Variants in NDRG1 observed in about 807,000 individuals in gnomAD.
NDRG1 encodes protein NDRG1.
In NDRG1, 32 loss-of-function variants were observed where a neutral mutation model predicts 56.9. The ratio of observed to expected loss-of-function variants is 0.56; its 90% CI spans 0.42 to 0.76. NDRG1 has a LOEUF of 0.76. Among genes scored for constraint, NDRG1 ranks in the 30% least tolerant of loss-of-function variants. The probability of loss-of-function intolerance (pLI) is 0.00; values close to 1 mark genes in which losing one functional copy is unlikely to be tolerated. For synonymous variants in NDRG1, 211 were observed against 204.1 expected (o/e 1.03, Z -0.29); for missense variants, 507 against 545.7 (o/e 0.93, Z 0.71).
At chr8:133,260,577 C>G (rs1856612358) in intron 5 of NDRG1, among the ~76,000 whole-genome samples, 1 of 152,174 alleles carries the variant, frequency 6.6e-6, no homozygotes, top group Admixed American at 6.5e-5. Context: ...CTGCTTTCCC[C>G]CAAGTCTTTC....
rs112862121 is a variant in NDRG1, at chr8:133,258,363, C to T, written c.450+3G>A. The T allele has an allele frequency of 6.2e-7, 1 of 1,610,792 alleles. No homozygotes were observed. Among genetic ancestry groups the T allele is most frequent in the Non-Finnish European group, 8.5e-7 (1 of 1,178,482 alleles). ...GATTTTCAAAAAATGCCAAAGCACT[C>T]ACAGCAAATCGAGTTAGGATGTAGG... On this transcript the variant is annotated splice_donor_region_variant and intron_variant, in intron 7 of 15. Transcript: ENST00000323851.
chr8:133,276,268 G>C (rs1368264161), intron 3 of NDRG1, among the ~76,000 whole-genome samples: 2 of 152,194 alleles, frequency 1.3e-5, no homozygotes, highest in African/African-American at 4.8e-5. Context: ...AGTTGCCTGT[G>C]TCCTGAGATG....
intron 1 of NDRG1, among the ~76,000 whole-genome samples, chr8:133,287,660 C>T (rs956883076): frequency 2.6e-5 from 4 of 152,206 alleles, no homozygotes; most frequent in Non-Finnish European, 5.9e-5. Flanking sequence ...ATCCTCAGCT[C>T]AGCACTGCTG....
At chr8:133,244,435 G>C in intron 13 of NDRG1, 45 bp from the exon 14 acceptor site, 1 of 1,612,344 alleles carries the variant, frequency 6.2e-7, no homozygotes. Context: ...CACAGCCAAG[G>C]CCCTCTGCGC....
At position 133,237,274 on chromosome 8, in the gene NDRG1, A is replaced by T. The variant is rs2130649195; in HGVS notation, c.*1604T>A. On this transcript the variant is annotated 3_prime_UTR_variant, in exon 16 of 16. Transcript: ENST00000323851. ...GCACAATAGTTTCCCATCCGTACTC[A>T]GCCTCTCTTGCCCCGATCCCCGACT... The T allele has an allele frequency of 8.7e-6, 2 of 230,946 alleles. No individual in the cohort carries two copies. The highest frequency in any genetic ancestry group is 3.6e-4 in the South Asian group (2 of 5,512). The allele number at this position is 230,946 out of a possible 1,614,324, so 14.3% of individuals were successfully genotyped here. A position where few individuals can be genotyped will look rare whatever the true frequency, so the allele number is the denominator to read the frequency against.
intron 9 of NDRG1, among the ~76,000 whole-genome samples, chr8:133,253,458 GA>G (rs1323388789): frequency 6.6e-6 from 1 of 152,214 alleles, no homozygotes; most frequent in Admixed American, 6.5e-5. Flanking sequence ...AATGAGAACA[GA>G]ATTTATCACA....
At position 133,248,787 on chromosome 8, in the gene NDRG1, G is replaced by C. The variant is rs567104964; in HGVS notation, c.699-16C>G. On this transcript the variant is annotated splice_polypyrimidine_tract_variant and intron_variant, in intron 10 of 15. Transcript: ENST00000323851. ...GTCGCGCCGGCTGCAGGAAACAAAT[G>C]CATCATTAGCATGAGGACCCCTCCC... 1,259 of 1,614,056 alleles carry C rather than the reference G, an allele frequency of 7.8e-4. 18 individuals carry two copies. The South Asian group carries it at 0.013, about 17-fold the overall frequency.
At chr8:133,240,869 A>C (rs1311357460) in intron 15 of NDRG1, 1 of 152,228 alleles carries the variant, frequency 6.6e-6, no homozygotes, top group Non-Finnish European at 1.5e-5. Context: ...GGCTGTCTCC[A>C]TGGCTGTCTC....
intron 1 of NDRG1, among the ~76,000 whole-genome samples, chr8:133,295,088 A>G (rs1055491943): frequency 6.6e-6 from 1 of 152,226 alleles, no homozygotes; most frequent in Non-Finnish European, 1.5e-5. Context: ...TTGTTGCTCC[A>G]AAAGAACTTC....
intron 6 of NDRG1, among the ~76,000 whole-genome samples, 172 bp from the exon 7 acceptor site, chr8:133,258,598 T>C (rs937245597): frequency 6.6e-6 from 1 of 152,184 alleles, no homozygotes; most frequent in Non-Finnish European, 1.5e-5. Context: ...GACAGAGACC[T>C]CGACCTTGGA....
At chr8:133,292,715 G>A (rs4395882) in intron 1 of NDRG1, among the ~76,000 whole-genome samples, 7,761 of 152,242 alleles carry the variant, frequency 0.051, 304 homozygotes, top group African/African-American at 0.11. Flanking sequence ...AGGAGAACAA[G>A]GTGGAGACCT....
intron 4 of NDRG1, among the ~76,000 whole-genome samples, chr8:133,263,437 A>G (rs891482819): frequency 1.3e-5 from 2 of 152,244 alleles, no homozygotes; most frequent in Admixed American, 6.5e-5. Context: ...GATTCCTCAC[A>G]GAAGAATTCA....
chr8:133,267,894 C>A (rs1164304220), intron 3 of NDRG1, among the ~76,000 whole-genome samples: 1 of 152,162 alleles, frequency 6.6e-6, no homozygotes, highest in Non-Finnish European at 1.5e-5. Flanking sequence ...TGGGGACTCC[C>A]GGTGCAGGCA....
intron 1 of NDRG1, among the ~76,000 whole-genome samples, chr8:133,286,770 A>G (rs1381985797): frequency 1.3e-5 from 2 of 152,252 alleles, no homozygotes; most frequent in Admixed American, 6.5e-5. Context: ...ATTGTCCCCC[A>G]AATGATTCCA....
chr8:133,255,370 T>A, intron 8 of NDRG1: 1 of 456,276 alleles, frequency 2.2e-6, no homozygotes, highest in South Asian at 1.5e-5. Flanking sequence ...CACATCACAG[T>A]ATCTAATACC....
intron 3 of NDRG1, among the ~76,000 whole-genome samples, chr8:133,272,321 C>T (rs1315878960): frequency 6.6e-6 from 1 of 152,186 alleles, no homozygotes; most frequent in Non-Finnish European, 1.5e-5. Context: ...GGAGCAGACC[C>T]CATCATCCAT....
chr8:133,257,146 G>C (rs2130720823), intron 7 of NDRG1, among the ~76,000 whole-genome samples: 1 of 152,336 alleles, frequency 6.6e-6, no homozygotes, highest in South Asian at 2.1e-4. Context: ...TCAACCCACG[G>C]AGGCTCAGCT....
intron 13 of NDRG1, among the ~76,000 whole-genome samples, chr8:133,245,370 C>A (rs1178609648): frequency 2.0e-5 from 3 of 152,196 alleles, no homozygotes; most frequent in African/African-American, 7.2e-5. Flanking sequence ...CAGTACCTAT[C>A]ACTGTGGCTA....
At chr8:133,291,144 G>C (rs1187733348) in intron 1 of NDRG1, among the ~76,000 whole-genome samples, 2 of 152,196 alleles carry the variant, frequency 1.3e-5, no homozygotes, top group Non-Finnish European at 2.9e-5. Context: ...GACAAGGGTA[G>C]CATCGATTGT....
Sources: gnomAD v4.1 joint callset for allele counts (sites outside exome capture counted in the v4.1 genomes callset) on GRCh38, gnomAD v4.1.1 for gene constraint, MANE v1.5 for transcripts, NCBI Gene and HGNC (gene_info 2026-07-23, HGNC 2026-07-21) for gene names.